The following CSTF2T variants were observed in gnomAD, a reference collection of about 807,000 sequenced individuals.
CSTF2T encodes the protein cleavage stimulation factor subunit 2 tau variant.
A neutral mutation model predicts 39.9 loss-of-function variants in CSTF2T; 18 were observed. The observed-to-expected ratio is 0.45, with a 90% CI of 0.31 to 0.67. CSTF2T has a LOEUF of 0.67. Ranked by LOEUF, CSTF2T falls within the 30% of genes least tolerant of loss-of-function variation. CSTF2T has a pLI of 0.06. For missense variants in CSTF2T, 681 were observed against 789.0 expected (o/e 0.86, Z 1.64); for synonymous variants, 291 against 276.4 (o/e 1.05, Z -0.52).
chr10:51,699,242 C>G lies in CSTF2T; in HGVS notation c.308G>C (p.Ser103Thr). The part of the protein sequence containing the change: ...ASEKNKEELK[S>T]LGPAAPIIDS... ...AATAATGGGCGCTGCAGGCCCAAGG[C>G]TCTTTAACTCCTCCTTATTCTTTTC... Residue 103 changes from serine to threonine, a missense_variant, in exon 1 of 1, where the codon AGC becomes ACC. Physicochemically the swap from Ser to Thr is moderately conservative, Grantham distance 58. Around this residue, in one of 4 missense-constraint regions of CSTF2T, gnomAD observed 65 missense variants for 134.2 expected, o/e 0.48. Coordinates refer to ENST00000331173, the MANE Select transcript of CSTF2T (RefSeq NM_015235.3). The G allele has an allele frequency of 1.2e-6, 2 of 1,614,094 alleles. No individual in the cohort carries two copies. Among genetic ancestry groups the G allele is most frequent in the East Asian group, 2.2e-5 (1 of 44,860 alleles).
In CSTF2T at chr10:51,699,479, G is replaced by A. The variant is rs770308185; in HGVS notation, c.71C>T (p.Pro24Leu). Residue 24 changes from proline to leucine, a missense_variant, in exon 1 of 1, where the codon CCA becomes CTA. Physicochemically the swap from Pro to Leu is moderately conservative, Grantham distance 98. Around this residue, in one of 4 missense-constraint regions of CSTF2T, gnomAD observed 65 missense variants for 134.2 expected, o/e 0.48. Coordinates refer to ENST00000331173, the MANE Select transcript of CSTF2T (RefSeq NM_015235.3). ...SLRSVFVGNI[P>L]YEATEEQLKD... Reference sequence around the variant, plus strand: ...TAACTGCTCCTCAGTTGCCTCATATGGAATGTTCCCCACGAACACGGAACG... The same window carrying A: ...TAACTGCTCCTCAGTTGCCTCATATAGAATGTTCCCCACGAACACGGAACG... 6.2e-7 allele frequency: 1 copy of A among 1,613,712 alleles called. No individual in the cohort carries two copies. The highest frequency in any genetic ancestry group is 8.5e-7 in the Non-Finnish European group (1 of 1,179,958).
Position 51,699,525 on chromosome 10 carries a change from G to A in CSTF2T, c.25C>T (p.Pro9Ser). Residue 9 changes from proline to serine, a missense_variant, in exon 1 of 1, where the codon CCG becomes TCG. Pro to Ser is a moderately conservative substitution (Grantham distance 74). Coordinates refer to ENST00000331173, the MANE Select transcript of CSTF2T (RefSeq NM_015235.3). MSSLAVRD[P>S]AMDRSLRSVF... ...GAACGCAGTGATCGATCCATTGCCG[G>A]GTCTCTCACCGCCAAACTCGACATG... 3.1e-6 allele frequency: 5 copies of A among 1,611,650 alleles called. No individual in the cohort carries two copies. Among genetic ancestry groups the A allele is most frequent in the Non-Finnish European group, 4.2e-6 (5 of 1,178,888 alleles).
In CSTF2T at chr10:51,696,256, T is replaced by C. The variant is rs1256569251; in HGVS notation, c.*1443A>G. The C allele has an allele frequency of 7.2e-6, 1 of 138,470 alleles. No individual in the cohort carries two copies. Among genetic ancestry groups the C allele is most frequent in the East Asian group, 2.1e-4 (1 of 4,774 alleles). 8.6% of individuals were successfully genotyped at this position (138,470 alleles called of 1,614,324 possible). ...GAAAACTAAAAGGCATGTTAAATGC[T>C]CTTTAAAGGTTTTTAACTCCTGTCT... On this transcript the variant is annotated 3_prime_UTR_variant, in exon 1 of 1. Coordinates refer to ENST00000331173, the MANE Select transcript of CSTF2T (RefSeq NM_015235.3).
At position 51,698,668 on chromosome 10, in the gene CSTF2T, C is replaced by G; in HGVS notation, c.882G>C (p.Gly294=). ...CCCGCTCTAAAGGCACTGGGCCAAC[C>G]CCTGGCATTCCAAGTTGGGGCTGCA... The part of the protein sequence containing the change: ...GAMQPQLGMP[G]VGPVPLERGQ... The change falls in exon 1 of 1, where the codon GGG becomes GGC. Residue 294 remains glycine (G), a synonymous_variant. Transcript: ENST00000331173. 5.0e-6 allele frequency: 8 copies of G among 1,614,190 alleles called. No homozygotes were observed. The highest frequency in any genetic ancestry group is 6.8e-6 in the Non-Finnish European group (8 of 1,180,032).
In CSTF2T at chr10:51,699,201, C is replaced by T. The variant is rs1421111186; in HGVS notation, c.349G>A (p.Asp117Asn). The change falls in exon 1 of 1, where the codon GAT becomes AAT. Residue 117 changes from aspartate (D) to asparagine (N), a missense_variant. By Grantham distance (23) the Asp-to-Asn change is conservative. Transcript: ENST00000331173. ...GGGGCATCTTCTGGATCGATGGGAT[C>T]CCCATAGGGTGAGTCAATAATGGGC... ...AAPIIDSPYG[D>N]PIDPEDAPES... 3 of 1,614,126 alleles carry T rather than the reference C, an allele frequency of 1.9e-6. No individual in the cohort carries two copies. In the East Asian group the frequency reaches 6.7e-5, roughly 36 times the overall value.
Position 51,696,522 on chromosome 10 carries a change from C to T in CSTF2T, c.*1177G>A, listed in dbSNP as rs757322539. The T allele has an allele frequency of 1.2e-4, 19 of 152,068 alleles. No homozygotes were observed. Among genetic ancestry groups the T allele is most frequent in the Admixed American group, 4.6e-4 (7 of 15,268 alleles). The allele number at this position is 152,068 out of a possible 1,614,324, so 9.4% of individuals were successfully genotyped here. A position where few individuals can be genotyped will look rare whatever the true frequency, so the allele number is the denominator to read the frequency against. On this transcript the variant is annotated 3_prime_UTR_variant, in exon 1 of 1. Transcript: ENST00000331173. The stretch of plus-strand genomic sequence containing the variant: ...GAGAGATTATTGGGTTTCATCAGAG[C>T]AGACTTAAGTAGCCTGGTTGATTTT...
chr10:51,698,432 C>A lies in CSTF2T; in HGVS notation c.1118G>T (p.Arg373Leu). 6.2e-7 allele frequency: 1 copy of A among 1,614,092 alleles called. No individual in the cohort carries two copies. The highest frequency in any genetic ancestry group is 8.5e-7 in the Non-Finnish European group (1 of 1,180,020). ...PMHHASGHDT[R>L]GPSSHEMRGG... is the part of the protein sequence containing the mutation. ...CCTCATCTCATGTGAGGAAGGGCCA[C>A]GAGTGTCATGACCAGAGGCATGATG... The change falls in exon 1 of 1, where the codon CGT (arginine) becomes CTT (leucine). Residue 373 changes from arginine to leucine, a missense_variant. Arg to Leu is a moderately radical substitution (Grantham distance 102, BLOSUM62 -2). Coordinates refer to ENST00000331173, the MANE Select transcript of CSTF2T (RefSeq NM_015235.3).
Position 51,698,825 on chromosome 10 carries a change from A to C in CSTF2T, c.725T>G (p.Leu242Trp). The C allele has an allele frequency of 6.2e-7, 1 of 1,614,160 alleles. No individual in the cohort carries two copies. The highest frequency in any genetic ancestry group is 1.3e-5 in the African/African-American group (1 of 75,046). The change falls in exon 1 of 1, where the codon TTG (leucine) becomes TGG (tryptophan). Residue 242 changes from leucine (L) to tryptophan (W), a missense_variant. By Grantham distance (61) the Leu-to-Trp change is moderately conservative (BLOSUM62 -2). This residue lies in a region of CSTF2T where 329 missense variants were observed against 344.1 expected (regional missense o/e 0.96). Transcript: ENST00000331173. ...AATGTCCTTCACAGGTCTTCTAGCC[A>C]AATGCTGAGGCTGAGGAGCTGGAGG... ...QNPPAPQPQH[L>W]ARRPVKDIPP...
In CSTF2T at chr10:51,698,877, G is replaced by A. The variant is rs773738151; in HGVS notation, c.673C>T (p.Pro225Ser). The A allele has an allele frequency of 1.2e-6, 2 of 1,614,034 alleles. No individual in the cohort carries two copies. Among genetic ancestry groups the A allele is most frequent in the Non-Finnish European group, 1.7e-6 (2 of 1,179,974 alleles). ...TTCTGCTGGTTCAGCAGAACATTAG[G>A]TCCTGGGCAGAGCCCAGGGCCAGGG... ...PGPGPGLCPG[P>S]NVLLNQQNPP... The change falls in exon 1 of 1, where the codon CCT becomes TCT. Residue 225 changes from proline (P) to serine (S), a missense_variant. Coordinates refer to ENST00000331173, the MANE Select transcript of CSTF2T (RefSeq NM_015235.3).
chr10:51,697,920 G>C lies in CSTF2T; in HGVS notation c.1630C>G (p.Gln544Glu), dbSNP rs1841342615. ...CTTGCCCCCTGTATACCTCCTCCTT[G>C]TATACCTCCTCCTTGTATACTGACT... ...QGVSIQGGGI[Q>E]GGGIQGASKQ... Residue 544 changes from glutamine (Q) to glutamate (E), a missense_variant, in exon 1 of 1, where the codon CAA becomes GAA. By Grantham distance (29) the Gln-to-Glu change is conservative. Around this residue, in one of 4 missense-constraint regions of CSTF2T, gnomAD observed 282 missense variants for 289.2 expected, o/e 0.98. Coordinates refer to ENST00000331173, the MANE Select transcript of CSTF2T (RefSeq NM_015235.3). 3 of 1,602,730 alleles carry C rather than the reference G, an allele frequency of 1.9e-6. No individual in the cohort carries two copies.
At position 51,698,251 on chromosome 10, in the gene CSTF2T, C is replaced by T; in HGVS notation, c.1299G>A (p.Met433Ile). The stretch of plus-strand genomic sequence containing the variant: ...CACAGGTCTCCATTCCTCTCCTCTC[C>T]ATTACACGTGTCTCTAAGACCTCAG... ...METEVLETRV[M>I]ERRGMETCAM... Residue 433 changes from methionine to isoleucine, a missense_variant, in exon 1 of 1, where the codon ATG (methionine) becomes ATA (isoleucine). Coordinates refer to ENST00000331173, the MANE Select transcript of CSTF2T (RefSeq NM_015235.3). 1 of 1,614,110 alleles carries T rather than the reference C, an allele frequency of 6.2e-7. No homozygotes were observed. Among genetic ancestry groups the T allele is most frequent in the Non-Finnish European group, 8.5e-7 (1 of 1,179,980 alleles).
Position 51,698,364 on chromosome 10 carries a change from T to C in CSTF2T, c.1186A>G (p.Arg396Gly), listed in dbSNP as rs1275137115. 1.2e-6 allele frequency: 2 copies of C among 1,614,172 alleles called. No individual in the cohort carries two copies. The highest frequency in any genetic ancestry group is 1.7e-6 in the Non-Finnish European group (2 of 1,180,028). ...CCCCTTTGATCTATCATGGGGCCTC[T>C]GGGCTCTCCAATTAGCAGTCTGGGA... ...GDPRLLIGEP[R>G]GPMIDQRGLP... is the part of the protein sequence containing the mutation. The change falls in exon 1 of 1, where the codon AGA (arginine) becomes GGA (glycine). Residue 396 changes from arginine (R) to glycine (G), a missense_variant. Physicochemically the swap from Arg to Gly is moderately radical, Grantham distance 125. Around this residue, in one of 4 missense-constraint regions of CSTF2T, gnomAD observed 282 missense variants for 289.2 expected, o/e 0.98. Transcript: ENST00000331173.
Position 51,698,669 on chromosome 10 carries a change from C to A in CSTF2T, c.881G>T (p.Gly294Val). The A allele has an allele frequency of 1.2e-6, 2 of 1,614,194 alleles. No individual in the cohort carries two copies. Among genetic ancestry groups the A allele is most frequent in the Non-Finnish European group, 8.5e-7 (1 of 1,180,028 alleles). The change falls in exon 1 of 1, where the codon GGG (glycine) becomes GTG (valine). Residue 294 changes from glycine (G) to valine (V), a missense_variant. Gly to Val is a moderately radical substitution (Grantham distance 109, BLOSUM62 -3). Transcript: ENST00000331173. ...GAMQPQLGMPGVGPVPLERGQ... is the reference protein window; with the variant it reads ...GAMQPQLGMPVVGPVPLERGQ... ...CCGCTCTAAAGGCACTGGGCCAACC[C>A]CTGGCATTCCAAGTTGGGGCTGCAT...
In CSTF2T at chr10:51,697,518, C is replaced by G; in HGVS notation, c.*181G>C. ...GAACAGACGCACTCCCTCCTCCCCC[C>G]ACCCTCAATTAAAAAAAAAAGGAAA... On this transcript the variant is annotated 3_prime_UTR_variant, in exon 1 of 1. Transcript: ENST00000331173. 3 of 625,978 alleles carry G rather than the reference C, an allele frequency of 4.8e-6. No individual in the cohort carries two copies. In the South Asian group the frequency reaches 6.3e-5, roughly 13 times the overall value. The allele number at this position is 625,978 out of a possible 1,614,324, so 38.8% of individuals were successfully genotyped here. A position where few individuals can be genotyped will look rare whatever the true frequency, so the allele number is the denominator to read the frequency against.
At position 51,698,932 on chromosome 10, in the gene CSTF2T, CTG is replaced by C; in HGVS notation, c.616_617del (p.Gln206ValfsTer20). The C allele has an allele frequency of 3.7e-6, 6 of 1,614,234 alleles. No homozygotes were observed. Among genetic ancestry groups the C allele is most frequent in the Non-Finnish European group, 5.1e-6 (6 of 1,180,042 alleles). On this transcript the variant is annotated frameshift_variant, in exon 1 of 1. Transcript: ENST00000331173. LOFTEE classifies it high-confidence loss of function. ...GGCCAGGGCCAGAGACAGACACAGA[CTG>C]AGATTTGCCTGGGATCAGTGGTGTG... Reference protein sequence around the residue: ...HVTPLIPGKSQSVSVSGPGPG... With the variant: ...HVTPLIPGKSXSVSVSGPGPG...
rs1233316214 is a variant in CSTF2T, at chr10:51,697,101, A to T, written c.*598T>A. On this transcript the variant is annotated 3_prime_UTR_variant, in exon 1 of 1. Coordinates refer to ENST00000331173, the MANE Select transcript of CSTF2T (RefSeq NM_015235.3). ...GGTGCACTCCTTGATTTTTCAGGTA[A>T]CATAACTTTAGAAAAAAACAATTCT... 6.6e-6 allele frequency: 1 copy of T among 152,278 alleles called. No homozygotes were observed. The highest frequency in any genetic ancestry group is 1.5e-5 in the Non-Finnish European group (1 of 68,096). 9.4% of individuals were successfully genotyped at this position (152,278 alleles called of 1,614,324 possible).
rs775214253 is a variant in CSTF2T, at chr10:51,695,969, A to G, written c.*1730T>C. The G allele has an allele frequency of 5.9e-5, 9 of 152,148 alleles. No homozygotes were observed. The highest frequency in any genetic ancestry group is 1.2e-4 in the Non-Finnish European group (8 of 68,008). 9.4% of individuals were successfully genotyped at this position (152,148 alleles called of 1,614,324 possible). A position where few individuals can be genotyped will look rare whatever the true frequency, so the allele number is the denominator to read the frequency against. ...TATTACTACTTGTTTTATGATACCA[A>G]CATTTATGTTCACATCCTCAAGGCT... On this transcript the variant is annotated 3_prime_UTR_variant, in exon 1 of 1. Transcript: ENST00000331173.
Position 51,697,512 on chromosome 10 carries a change from TCCCCCCA to T in CSTF2T, c.*180_*186del. On this transcript the variant is annotated 3_prime_UTR_variant, in exon 1 of 1. Transcript: ENST00000331173. ...TAAAGTGAACAGACGCACTCCCTCC[TCCCCCCA>T]CCCTCAATTAAAAAAAAAAGGAAAA... 1.6e-6 allele frequency: 1 copy of T among 610,314 alleles called. No individual in the cohort carries two copies. The highest frequency in any genetic ancestry group is 2.8e-6 in the Non-Finnish European group (1 of 358,236). 37.8% of individuals were successfully genotyped at this position (610,314 alleles called of 1,614,324 possible).
In CSTF2T at chr10:51,699,325, C is replaced by A; in HGVS notation, c.225G>T (p.Arg75=). Reference sequence around the variant, plus strand: ...CACTGAACTCCCGCCCATTGAGGTTCCGCATGGCACTAAGCGCGGTCTCCT... The same window carrying A: ...CACTGAACTCCCGCCCATTGAGGTTACGCATGGCACTAAGCGCGGTCTCCT... ...QDQETALSAM[R]NLNGREFSGR... The change falls in exon 1 of 1, where the codon CGG becomes CGT. Residue 75 remains arginine (R), a synonymous_variant. Transcript: ENST00000331173. 6.2e-7 allele frequency: 1 copy of A among 1,614,168 alleles called. No individual in the cohort carries two copies. The highest frequency in any genetic ancestry group is 1.1e-5 in the South Asian group (1 of 91,080).
Sources: gnomAD v4.1 joint callset for allele counts on GRCh38, gnomAD v4.1.1 for gene constraint, gnomAD v4.1.1 regional missense constraint, MANE v1.5 for transcripts, NCBI Gene and HGNC (gene_info 2026-07-23, HGNC 2026-07-21) for gene names.